Variants in LRRC4C observed in about 807,000 individuals in gnomAD.
The protein encoded by LRRC4C is leucine rich repeat containing 4C, also known as leucine-rich repeat-containing protein 4C.
A neutral mutation model predicts 33.6 loss-of-function variants in LRRC4C; 5 were observed. The observed-to-expected ratio is 0.15, with a 90% CI of 0.08 to 0.31. The LOEUF (loss-of-function observed/expected upper bound fraction) is 0.31. Ranked by LOEUF, LRRC4C falls within the 10% of genes least tolerant of loss-of-function variation. The probability of loss-of-function intolerance (pLI) is 1.00; values close to 1 mark genes in which losing one functional copy is unlikely to be tolerated. For missense variants in LRRC4C, 560 were observed against 796.7 expected (o/e 0.70, Z 3.58); for synonymous variants, 329 against 302.0 (o/e 1.09, Z -0.93).
At chr11:41,370,011 T>G (rs1952685104) in intron 1 of LRRC4C, among the ~76,000 whole-genome samples, 1 of 152,196 alleles carries the variant, frequency 6.6e-6, no homozygotes, top group Non-Finnish European at 1.5e-5. Flanking sequence ...TTACATTTTT[T>G]TCAAATTAGA....
At chr11:41,187,083 G>C (rs1945725443) in intron 1 of LRRC4C, among the ~76,000 whole-genome samples, 1 of 152,156 alleles carries the variant, frequency 6.6e-6, no homozygotes, top group African/African-American at 2.4e-5. Context: ...CTATGAAATT[G>C]TGATAATAGC....
chr11:41,195,285 T>G (rs1187642106), intron 1 of LRRC4C, among the ~76,000 whole-genome samples: 3 of 152,150 alleles, frequency 2.0e-5, no homozygotes, highest in African/African-American at 7.2e-5. Flanking sequence ...GGCCTGATAA[T>G]TTCATGAATT....
chr11:41,392,577 C>T (rs1953646832), intron 1 of LRRC4C, among the ~76,000 whole-genome samples: 1 of 151,022 alleles, frequency 6.6e-6, no homozygotes, highest in African/African-American at 2.4e-5. Flanking sequence ...AAAAAAACAT[C>T]GTTACCTAGA....
chr11:41,117,443 T>C (rs1467433305), intron 1 of LRRC4C, among the ~76,000 whole-genome samples: 1 of 152,130 alleles, frequency 6.6e-6, no homozygotes, highest in Non-Finnish European at 1.5e-5. Context: ...TACGTGAAAA[T>C]AGCTTAATAC....
intron 5 of LRRC4C, among the ~76,000 whole-genome samples, chr11:40,150,420 A>G (rs1858097174): frequency 6.6e-6 from 1 of 152,236 alleles, no homozygotes; most frequent in East Asian, 1.9e-4. Context: ...AAACTCATAG[A>G]GAATTTTACA....
At chr11:40,163,431 CA>C (rs563597191) in intron 5 of LRRC4C, among the ~76,000 whole-genome samples, 36 of 152,166 alleles carry the variant, frequency 2.4e-4, no homozygotes, top group African/African-American at 6.7e-4. Context: ...CACCGGGTTG[CA>C]AAATATCTAG....
chr11:41,443,072 ATTTT>A (rs1169883280), intron 1 of LRRC4C, among the ~76,000 whole-genome samples: 2 of 93,026 alleles, frequency 2.1e-5, no homozygotes, highest in Non-Finnish European at 4.8e-5. Context: ...TTATTTATTT[ATTTT>A]TATGTTTGCT....
intron 5 of LRRC4C, among the ~76,000 whole-genome samples, chr11:40,163,479 T>C (rs148320627): frequency 2.0e-5 from 3 of 152,304 alleles, no homozygotes; most frequent in African/African-American, 7.2e-5. Context: ...ATCAAGTGTG[T>C]AAATGGAACC....
intron 1 of LRRC4C, among the ~76,000 whole-genome samples, chr11:41,368,279 C>G (rs191388421): frequency 6.6e-6 from 1 of 152,254 alleles, no homozygotes; most frequent in East Asian, 1.9e-4. Flanking sequence ...GTCACTCTAT[C>G]CTGAGCAATC....
chr11:40,587,776 A>C (rs1282802159), intron 3 of LRRC4C, among the ~76,000 whole-genome samples: 4 of 152,112 alleles, frequency 2.6e-5, no homozygotes, highest in African/African-American at 9.7e-5. Context: ...GCTGGATTAC[A>C]TGTATTGATT....
chr11:40,141,954 A>T (rs1052451737), intron 5 of LRRC4C, among the ~76,000 whole-genome samples: 9 of 152,162 alleles, frequency 5.9e-5, no homozygotes, highest in Non-Finnish European at 1.2e-4. Context: ...TATTTTAAAG[A>T]TGATCTGTGG....
chr11:41,175,810 T>C (rs1945171897), intron 1 of LRRC4C, among the ~76,000 whole-genome samples: 2 of 152,152 alleles, frequency 1.3e-5, no homozygotes, highest in Admixed American at 1.3e-4. Context: ...TTACCCAAAG[T>C]CCTCAAGATA....
chr11:41,427,723 A>G (rs1011445171), intron 1 of LRRC4C, among the ~76,000 whole-genome samples: 1 of 152,290 alleles, frequency 6.6e-6, no homozygotes, highest in Admixed American at 6.5e-5. Flanking sequence ...ACCTGCAAGT[A>G]TACATCCAGA....
chr11:40,285,950 G>A (rs942683132), intron 4 of LRRC4C, among the ~76,000 whole-genome samples: 2 of 151,914 alleles, frequency 1.3e-5, no homozygotes, highest in African/African-American at 4.8e-5. Context: ...TTGTGTTTCT[G>A]TTTTCAAGTG....
chr11:40,630,419 TTC>T (rs145211428), intron 3 of LRRC4C, among the ~76,000 whole-genome samples: 32,605 of 133,768 alleles, frequency 0.24, 5,223 homozygotes, highest in Middle Eastern at 0.37. Flanking sequence ...CCTCTTCTTC[TTC>T]TTTTTTTTTT....
intron 1 of LRRC4C, among the ~76,000 whole-genome samples, chr11:41,112,569 T>C (rs1265933735): frequency 6.6e-6 from 1 of 152,100 alleles, no homozygotes; most frequent in African/African-American, 2.4e-5. Context: ...GCCCTCTTCT[T>C]GTTCCTTTAA....
At chr11:40,758,234 A>G (rs1325267713) in intron 2 of LRRC4C, among the ~76,000 whole-genome samples, 2 of 151,984 alleles carry the variant, frequency 1.3e-5, no homozygotes, top group Non-Finnish European at 2.9e-5. Context: ...GCTATGTTCT[A>G]TTGAGTAACT....
chr11:41,049,033 T>A (rs1858009490), intron 1 of LRRC4C, among the ~76,000 whole-genome samples: 2 of 152,176 alleles, frequency 1.3e-5, no homozygotes, highest in African/African-American at 4.8e-5. Context: ...GGTAGGCCAT[T>A]GTCAGAAGTA....
At chr11:40,837,891 T>C (rs1430262327) in intron 2 of LRRC4C, among the ~76,000 whole-genome samples, 3 of 135,396 alleles carry the variant, frequency 2.2e-5, no homozygotes, top group African/African-American at 3.4e-5. Context: ...TTAAACTATA[T>C]ATATATATAT....
Sources: gnomAD v4.1 joint callset for allele counts (sites outside exome capture counted in the v4.1 genomes callset) on GRCh38, gnomAD v4.1.1 for gene constraint, MANE v1.5 for transcripts, NCBI Gene and HGNC (gene_info 2026-07-23, HGNC 2026-07-21) for gene names.